Variants in ACSM6 observed in about 807,000 individuals in gnomAD.
ACSM6 encodes acyl-CoA synthetase medium chain family member 6, also known as acyl-coenzyme A synthetase ACSM6, mitochondrial.
In ACSM6, 35 loss-of-function variants were observed where a neutral mutation model predicts 51.1. The ratio of observed to expected loss-of-function variants is 0.69; its 90% CI spans 0.52 to 0.91. The LOEUF is 0.91. Ranked by LOEUF, ACSM6 falls within the 40% of genes least tolerant of loss-of-function variation. The probability of loss-of-function intolerance (pLI) is 0.00; values close to 1 mark genes in which losing one functional copy is unlikely to be tolerated. For missense variants in ACSM6, 509 were observed against 584.1 expected (o/e 0.87, Z 1.32); for synonymous variants, 172 against 207.3 (o/e 0.83, Z 1.46).
chr10:95,214,858 A>C (rs1564590130), exon 8 of ACSM6: 13 of 1,551,318 alleles, frequency 8.4e-6, no homozygotes, highest in Non-Finnish European at 1.0e-5. Flanking sequence ...CCAGCTACAG[A>C]TTCAAGAGTC....
intron 2 of ACSM6, among the ~76,000 whole-genome samples, chr10:95,197,030 G>A (rs990822502): frequency 2.0e-5 from 3 of 151,986 alleles, no homozygotes; most frequent in Admixed American, 6.5e-5. Context: ...TGCACTACAC[G>A]AGCATTTGGA....
chr10:95,206,073 T>C (rs920287297), intron 3 of ACSM6, among the ~76,000 whole-genome samples: 1 of 152,176 alleles, frequency 6.6e-6, no homozygotes, highest in Non-Finnish European at 1.5e-5. Context: ...TTTTAGAATA[T>C]TCACAAAGCT....
chr10:95,201,901 G>A (rs1282597709), intron 2 of ACSM6, 84 bp from the exon 3 acceptor site: 2 of 1,178,684 alleles, frequency 1.7e-6, no homozygotes, highest in East Asian at 2.6e-5. Flanking sequence ...CTAGCCACTT[G>A]AGGGTGCTGT....
At chr10:95,202,219 A>T (rs2034801799) in intron 3 of ACSM6, 24 bp downstream of exon 3, 1 of 1,533,470 alleles carries the variant, frequency 6.5e-7, no homozygotes, top group Non-Finnish European at 8.8e-7. Context: ...GACGGACCCC[A>T]GGGGTTGGAG....
intron 2 of ACSM6, among the ~76,000 whole-genome samples, chr10:95,198,231 TA>T (rs976559935): frequency 1.0e-4 from 15 of 147,036 alleles, no homozygotes; most frequent in South Asian, 2.2e-4. Flanking sequence ...CATATCACCC[TA>T]AAAAAAAAAC....
chr10:95,196,738 T>G (rs961836591), intron 2 of ACSM6, among the ~76,000 whole-genome samples: 1 of 152,242 alleles, frequency 6.6e-6, no homozygotes, highest in African/African-American at 2.4e-5. Context: ...AATAACATGA[T>G]GTAGAAACAA....
At chr10:95,194,423 G>C (rs936945258) in intron 1 of ACSM6, 42 bp from the exon 2 acceptor site, 11 of 1,442,148 alleles carry the variant, frequency 7.6e-6, no homozygotes, top group Non-Finnish European at 1.0e-5. Context: ...TTATCCCTCT[G>C]AGCTGCTCAA....
intron 9 of ACSM6, 119 bp downstream of exon 9, chr10:95,220,090 C>A: frequency 1.3e-6 from 1 of 754,904 alleles, no homozygotes; most frequent in Non-Finnish European, 2.2e-6. Context: ...CTAAATTCAC[C>A]CCAAGGATAA....
At chr10:95,200,033 C>T (rs2034776054) in intron 2 of ACSM6, among the ~76,000 whole-genome samples, 1 of 152,114 alleles carries the variant, frequency 6.6e-6, no homozygotes, top group Non-Finnish European at 1.5e-5. Context: ...AATCATGCTG[C>T]TATAAAGACA....
In ACSM6 at chr10:95,204,936, G is replaced by A. The variant is rs555059749; in HGVS notation, c.404-2272G>A. 3.3e-5 allele frequency among the ~76,000 whole-genome samples: 5 copies of A among 152,272 alleles called. No homozygotes were observed. The East Asian group carries it at 7.7e-4, about 24-fold the overall frequency. On this transcript the variant is annotated intron_variant, in intron 3 of 10. Coordinates refer to ENST00000341686, the Ensembl canonical transcript of ACSM6. ...GCCAACTTGGAGGAGGGACCAGGGT[G>A]CACTCCTCCCTTCTCCATATATGTG...
intron 8 of ACSM6, among the ~76,000 whole-genome samples, 191 bp from the exon 9 acceptor site, chr10:95,219,700 C>T (rs1393374957): frequency 6.6e-6 from 1 of 152,060 alleles, no homozygotes; most frequent in African/African-American, 2.4e-5. Flanking sequence ...TGTTCCCCTG[C>T]ATTTCCTGTA....
chr10:95,205,905 T>C (rs664093), intron 3 of ACSM6, among the ~76,000 whole-genome samples: 78,840 of 152,010 alleles, frequency 0.52, 21,366 homozygotes, highest in Middle Eastern at 0.66. Context: ...GAACAGGTCT[T>C]TTCCACTGTG....
intron 10 of ACSM6, 40 bp from the exon 11 acceptor site, chr10:95,228,604 G>A: frequency 6.5e-7 from 1 of 1,538,182 alleles, no homozygotes. Context: ...GATTGTGAGA[G>A]GGAAGTAAAT....
rs1322971895 is a variant in ACSM6 at position 95,225,549 on chromosome 10, T to C, written c.1302+158T>C. 8.1e-6 allele frequency: 4 copies of C among 494,262 alleles called. No individual in the cohort carries two copies. In the East Asian group the frequency reaches 1.3e-4, roughly 16 times the overall value. 30.6% of individuals were successfully genotyped at this position (494,262 alleles called of 1,614,324 possible). On this transcript the variant is annotated intron_variant, in intron 10 of 10. Coordinates refer to ENST00000341686, the Ensembl canonical transcript of ACSM6. Reference sequence around the variant, plus strand: ...AAAATGTTAAATAGTAGCACTCACCTACATTCACTTCTTATTAAGATTTTG... The same window carrying C: ...AAAATGTTAAATAGTAGCACTCACCCACATTCACTTCTTATTAAGATTTTG...
At chr10:95,212,155 G>C in intron 6 of ACSM6, 121 bp downstream of exon 6, 2 of 1,210,770 alleles carry the variant, frequency 1.7e-6, no homozygotes, top group Non-Finnish European at 2.4e-6. Context: ...ATGTGATCTT[G>C]ACTTGAAGAT....
chr10:95,203,857 TAAAAA>T (rs34969526), intron 3 of ACSM6, among the ~76,000 whole-genome samples: 4 of 106,856 alleles, frequency 3.7e-5, no homozygotes, highest in African/African-American at 1.1e-4. Flanking sequence ...ATGCTAGATT[TAAAAA>T]AAAAAAAAAA....
exon 8 of ACSM6, chr10:95,214,890 G>C: frequency 6.4e-7 from 1 of 1,551,650 alleles, no homozygotes; most frequent in Non-Finnish European, 8.7e-7. Context: ...GTGGCTGCAG[G>C]AGGACCCATC....
At chr10:95,210,763 G>A (rs758813575) in exon 5 of ACSM6, 14 of 1,613,882 alleles carry the variant, frequency 8.7e-6, no homozygotes, top group East Asian at 2.2e-5. Flanking sequence ...TCCCAGTATG[G>A]TTTGGGAATG....
At chr10:95,203,823 T>C (rs2034816513) in intron 3 of ACSM6, among the ~76,000 whole-genome samples, 1 of 141,946 alleles carries the variant, frequency 7.0e-6, no homozygotes, top group Admixed American at 7.4e-5. Context: ...ACAACTGGCC[T>C]ACTGCCTTTG....
Sources: gnomAD v4.1 joint callset for allele counts (sites outside exome capture counted in the v4.1 genomes callset) on GRCh38, gnomAD v4.1.1 for gene constraint, MANE v1.5 for transcripts, NCBI Gene and HGNC (gene_info 2026-07-23, HGNC 2026-07-21) for gene names.